The following DGKB variants were observed in gnomAD, a reference collection of about 807,000 sequenced individuals.
The protein encoded by DGKB is diacylglycerol kinase beta, also known as 90 kDa diacylglycerol kinase.
In DGKB, 67 loss-of-function variants were observed where a neutral mutation model predicts 114.3. The observed-to-expected ratio is 0.59, with a 90% confidence interval of 0.48 to 0.72. DGKB has a LOEUF of 0.72. Among genes scored for constraint, DGKB ranks in the 30% least tolerant of loss-of-function variants. The probability of loss-of-function intolerance (pLI) is 0.00; values close to 1 mark genes in which losing one functional copy is unlikely to be tolerated. For synonymous variants in DGKB, 398 were observed against 323.1 expected (o/e 1.23, Z -2.49); for missense variants, 907 against 975.2 (o/e 0.93, Z 0.93).
chr7:14,546,271 G>T (rs2128631039), intron 20 of DGKB, among the ~76,000 whole-genome samples: 1 of 151,394 alleles, frequency 6.6e-6, no homozygotes, highest in East Asian at 1.9e-4. Flanking sequence ...CCAAGTTTTT[G>T]AGTAAGTTCT....
intron 20 of DGKB, among the ~76,000 whole-genome samples, chr7:14,536,117 C>T (rs927003152): frequency 5.9e-5 from 9 of 151,338 alleles, no homozygotes; most frequent in Non-Finnish European, 1.3e-4. Flanking sequence ...AATAGAAACA[C>T]TTTAAAGATC....
At chr7:14,603,775 T>G (rs1456305558) in intron 17 of DGKB, among the ~76,000 whole-genome samples, 2 of 152,108 alleles carry the variant, frequency 1.3e-5, no homozygotes, top group African/African-American at 4.8e-5. Flanking sequence ...AAAAATAATT[T>G]ACATATTTTA....
chr7:14,655,768 A>G (rs1815655255), intron 13 of DGKB, among the ~76,000 whole-genome samples: 1 of 151,614 alleles, frequency 6.6e-6, no homozygotes, highest in African/African-American at 2.4e-5. Flanking sequence ...ATTATGTTAA[A>G]TTAGTCAAGC....
intron 21 of DGKB, among the ~76,000 whole-genome samples, chr7:14,364,834 G>A (rs1405773450): frequency 3.3e-5 from 5 of 151,946 alleles, no homozygotes; most frequent in African/African-American, 1.2e-4. Context: ...CTGCACAGGA[G>A]CATAAATCTC....
In DGKB at chr7:14,841,346, C is replaced by G; in HGVS notation, c.-83G>C. On this transcript the variant is annotated 5_prime_UTR_variant, in exon 2 of 26. Transcript: ENST00000402815. Reference sequence around the variant, plus strand: ...CGCAGAGGTCTATGCTTCAAAGATTCCACATGGCATGTTTCATGATAAAAT... The same window carrying G: ...CGCAGAGGTCTATGCTTCAAAGATTGCACATGGCATGTTTCATGATAAAAT... 1 of 1,167,584 alleles carries G rather than the reference C, an allele frequency of 8.6e-7. No homozygotes were observed. Among genetic ancestry groups the G allele is most frequent in the Non-Finnish European group, 1.2e-6 (1 of 813,096 alleles). The allele number at this position is 1,167,584 out of a possible 1,614,324, so 72.3% of individuals were successfully genotyped here.
At chr7:14,701,441 G>T (rs555402848) in intron 7 of DGKB, among the ~76,000 whole-genome samples, 2 of 151,948 alleles carry the variant, frequency 1.3e-5, no homozygotes, top group African/African-American at 4.8e-5. Context: ...TTCAGTGCAG[G>T]AAAAATAAAA....
At chr7:14,321,237 G>C (rs1807731741) in intron 23 of DGKB, among the ~76,000 whole-genome samples, 1 of 152,120 alleles carries the variant, frequency 6.6e-6, no homozygotes, top group Non-Finnish European at 1.5e-5. Context: ...GCTGCAGTAA[G>C]CCAGTATCAC....
intron 23 of DGKB, among the ~76,000 whole-genome samples, chr7:14,206,644 G>T (rs1453517595): frequency 6.6e-6 from 1 of 151,934 alleles, no homozygotes; most frequent in Admixed American, 6.6e-5. Flanking sequence ...TCAGATTTTT[G>T]ATGTTGAGAA....
At chr7:14,367,756 T>G (rs1018580388) in intron 21 of DGKB, among the ~76,000 whole-genome samples, 1 of 151,954 alleles carries the variant, frequency 6.6e-6, no homozygotes, top group African/African-American at 2.4e-5. Context: ...ATAATCATGG[T>G]GGAAAGGTGA....
intron 1 of DGKB, among the ~76,000 whole-genome samples, chr7:14,919,743 T>A (rs1326532383): frequency 1.3e-5 from 2 of 152,168 alleles, no homozygotes; most frequent in African/African-American, 4.8e-5. Flanking sequence ...GTTAGGGTCA[T>A]GGGGTGTATC....
At chr7:14,964,064 G>A (rs183630402) in intron 1 of DGKB, among the ~76,000 whole-genome samples, 21 of 152,154 alleles carry the variant, frequency 1.4e-4, no homozygotes, top group Non-Finnish European at 2.8e-4. Context: ...AATAGGGAGA[G>A]GTTTTACTTT....
At chr7:14,487,749 T>G (rs1432671574) in intron 20 of DGKB, among the ~76,000 whole-genome samples, 1 of 151,610 alleles carries the variant, frequency 6.6e-6, no homozygotes, top group African/African-American at 2.4e-5. Context: ...ATTACAGGCA[T>G]TAGCTATCAT....
intron 1 of DGKB, among the ~76,000 whole-genome samples, chr7:14,866,805 A>G (rs1312096181): frequency 6.6e-6 from 1 of 152,164 alleles, no homozygotes; most frequent in East Asian, 1.9e-4. Context: ...AGAAACCACC[A>G]AACTGTTTTT....
Position 14,369,228 on chromosome 7 carries a change from T to C in DGKB, c.1836-23837A>G, listed in dbSNP as rs545199858. Reference sequence around the variant, plus strand: ...GAATGATGATTTCCAGCTTCATCCATGTCCCTGCAAAGGACATAAACTCAT... The same window carrying C: ...GAATGATGATTTCCAGCTTCATCCACGTCCCTGCAAAGGACATAAACTCAT... On this transcript the variant is annotated intron_variant, in intron 21 of 25. Coordinates refer to ENST00000402815, the MANE Select transcript of DGKB (RefSeq NM_001350709.2). 2.0e-5 allele frequency among the ~76,000 whole-genome samples: 3 copies of C among 152,280 alleles called. No homozygotes were observed. The East Asian group carries it at 5.8e-4, about 29-fold the overall frequency.
At chr7:14,560,847 A>C (rs1042433563) in intron 20 of DGKB, among the ~76,000 whole-genome samples, 5 of 152,212 alleles carry the variant, frequency 3.3e-5, no homozygotes, top group African/African-American at 1.2e-4. Flanking sequence ...AATTTCTCCA[A>C]ATCTTCACAA....
chr7:14,271,144 C>T (rs565562597), intron 23 of DGKB, among the ~76,000 whole-genome samples: 58 of 152,270 alleles, frequency 3.8e-4, no homozygotes, highest in Non-Finnish European at 6.6e-4. Context: ...ACTTGAATCA[C>T]ATATTTTTAT....
intron 2 of DGKB, among the ~76,000 whole-genome samples, chr7:14,796,490 T>A (rs1841423821): frequency 6.6e-6 from 1 of 151,998 alleles, no homozygotes; most frequent in Non-Finnish European, 1.5e-5. Flanking sequence ...TACTAAAGCA[T>A]CTCTTTGAAA....
chr7:14,491,791 A>T (rs1784633112), intron 20 of DGKB, among the ~76,000 whole-genome samples: 1 of 152,076 alleles, frequency 6.6e-6, no homozygotes, highest in Admixed American at 6.6e-5. Flanking sequence ...TGTTCTCAAG[A>T]ATAATATTAT....
intron 15 of DGKB, among the ~76,000 whole-genome samples, chr7:14,614,413 G>C (rs10245139): frequency 0.027 from 4,148 of 152,068 alleles, 175 homozygotes; most frequent in African/African-American, 0.095. Flanking sequence ...AATAACAAAA[G>C]TATTCAGCTA....
Sources: allele counts gnomAD v4.1 joint callset (sites outside exome capture counted in the v4.1 genomes callset), GRCh38; gene constraint gnomAD v4.1.1; transcripts MANE v1.5; gene names NCBI Gene and HGNC (gene_info 2026-07-23, HGNC 2026-07-21).